WIPF1: variants seen among roughly 807,000 people sequenced by gnomAD.
WIPF1 encodes WAS/WASL-interacting protein family member 1.
Under a neutral mutation model 35.4 loss-of-function variants are expected in WIPF1, and 13 were observed. That is an observed-to-expected ratio of 0.37 (90% confidence interval 0.24 to 0.58). WIPF1 has a LOEUF of 0.58. Among genes scored for constraint, WIPF1 ranks in the 20% least tolerant of loss-of-function variants. WIPF1 has a pLI of 0.74. For missense variants in WIPF1, 591 were observed against 667.0 expected (o/e 0.89, Z 1.25); for synonymous variants, 267 against 266.3 (o/e 1.00, Z -0.02).
At chr2:174,623,585 T>C (rs1686740258) in intron 1 of WIPF1, 2 of 152,226 alleles carry the variant, frequency 1.3e-5, no homozygotes, top group East Asian at 3.8e-4. Context: ...TCTCAGTCTA[T>C]GAACTAGATG....
intron 3 of WIPF1, among the ~76,000 whole-genome samples, chr2:174,579,617 T>A (rs1435529750): frequency 6.6e-6 from 1 of 152,204 alleles, no homozygotes; most frequent in African/African-American, 2.4e-5. Context: ...TTATTAAACA[T>A]CATGGAAGAG....
chr2:174,592,841 C>T (rs951251770), intron 1 of WIPF1, among the ~76,000 whole-genome samples: 1 of 151,852 alleles, frequency 6.6e-6, no homozygotes, highest in Non-Finnish European at 1.5e-5. Flanking sequence ...CCTGACCTCA[C>T]GTGATCCACC....
At chr2:174,588,972 C>G (rs996154255) in intron 1 of WIPF1, among the ~76,000 whole-genome samples, 10 of 152,220 alleles carry the variant, frequency 6.6e-5, no homozygotes, top group African/African-American at 2.2e-4. Context: ...TCAATGGTAA[C>G]ACAGATGAGG....
At chr2:174,594,060 C>G (rs575321201) in intron 1 of WIPF1, among the ~76,000 whole-genome samples, 1 of 152,314 alleles carries the variant, frequency 6.6e-6, no homozygotes, top group Non-Finnish European at 1.5e-5. Context: ...CACACGCTTG[C>G]CATACACAGA....
intron 1 of WIPF1, among the ~76,000 whole-genome samples, chr2:174,606,476 C>T (rs1249181715): frequency 6.6e-6 from 1 of 152,208 alleles, no homozygotes; most frequent in Admixed American, 6.5e-5. Flanking sequence ...CACTACCACA[C>T]TGGGCAACAC....
intron 3 of WIPF1, among the ~76,000 whole-genome samples, chr2:174,580,270 A>G (rs1424334533): frequency 1.3e-5 from 2 of 152,174 alleles, no homozygotes; most frequent in East Asian, 1.9e-4. Context: ...TTTTGAAAGC[A>G]GTGCATTCTC....
In WIPF1 at chr2:174,664,153, A is replaced by C. The variant is rs532284105; in HGVS notation, c.-39+18621T>G. On this transcript the variant is annotated intron_variant, in intron 1 of 8. Transcript: ENST00000272746. ...CCCTCTCTCTCACACACACACACACACCCCAAGTGCTTGAATGAAGGGCTT... is the reference window on the plus strand; with the variant it reads ...CCCTCTCTCTCACACACACACACACCCCCCAAGTGCTTGAATGAAGGGCTT... 1.1e-4 allele frequency among the ~76,000 whole-genome samples: 17 copies of C among 150,674 alleles called. 1 individual carries two copies. The highest frequency in any genetic ancestry group is 3.9e-4 in the East Asian group (2 of 5,176).
chr2:174,635,526 T>G (rs1477247855), intron 1 of WIPF1, among the ~76,000 whole-genome samples: 2 of 136,248 alleles, frequency 1.5e-5, no homozygotes, highest in Admixed American at 7.5e-5. Flanking sequence ...GTGCCTTCTG[T>G]TTGTTTTTTT....
intron 1 of WIPF1, among the ~76,000 whole-genome samples, chr2:174,603,379 G>A (rs1490199331): frequency 6.6e-6 from 1 of 152,228 alleles, no homozygotes; most frequent in Non-Finnish European, 1.5e-5. Flanking sequence ...AGTGTTGAAT[G>A]TGACTAAGCC....
chr2:174,568,875 T>A (rs954751464), intron 5 of WIPF1: 6 of 152,132 alleles, frequency 3.9e-5, no homozygotes, highest in Non-Finnish European at 7.4e-5. Flanking sequence ...AACCATTTTT[T>A]AAAAAAATGT....
chr2:174,647,881 T>C (rs1228704220), intron 1 of WIPF1, among the ~76,000 whole-genome samples: 1 of 152,216 alleles, frequency 6.6e-6, no homozygotes, highest in Non-Finnish European at 1.5e-5. Context: ...TAGAAGAACC[T>C]AGATTAAAGA....
At chr2:174,607,002 G>A (rs1249194409) in intron 1 of WIPF1, among the ~76,000 whole-genome samples, 1 of 152,190 alleles carries the variant, frequency 6.6e-6, no homozygotes, top group Non-Finnish European at 1.5e-5. Context: ...AAGAGAGCAT[G>A]CACAATGAGA....
chr2:174,655,428 C>T (rs1201594118), intron 1 of WIPF1: 1 of 152,204 alleles, frequency 6.6e-6, no homozygotes, highest in Non-Finnish European at 1.5e-5. Context: ...GCTTACTTAG[C>T]TTATAACATG....
At chr2:174,581,167 G>A (rs1487060524) in intron 3 of WIPF1, 143 bp downstream of exon 3, 1 of 1,193,508 alleles carries the variant, frequency 8.4e-7, no homozygotes, top group African/African-American at 1.5e-5. Flanking sequence ...CCTACAGGGA[G>A]TGATACAGTC....
At chr2:174,651,459 C>T (rs1310700762) in intron 1 of WIPF1, among the ~76,000 whole-genome samples, 1 of 152,188 alleles carries the variant, frequency 6.6e-6, no homozygotes, top group African/African-American at 2.4e-5. Flanking sequence ...TAGTAACATA[C>T]CTTTTCAAAT....
At chr2:174,601,665 G>A (rs541172183), upstream of WIPF1, among the ~76,000 whole-genome samples, 13 of 152,356 alleles carry the variant, frequency 8.5e-5, no homozygotes, top group African/African-American at 2.4e-4. Context: ...CTGGCCTTCC[G>A]CAGTGAAGCG....
intron 1 of WIPF1, among the ~76,000 whole-genome samples, chr2:174,608,584 T>C (rs922828115): frequency 6.6e-6 from 1 of 152,100 alleles, no homozygotes; most frequent in Non-Finnish European, 1.5e-5. Flanking sequence ...GCATCCAATA[T>C]AAGTGGCCCC....
chr2:174,669,424 TAGA>T (rs982650215), intron 1 of WIPF1, among the ~76,000 whole-genome samples: 24 of 152,356 alleles, frequency 1.6e-4, no homozygotes, highest in African/African-American at 5.1e-4. Context: ...ATAACTGCAC[TAGA>T]AGGACACATG....
intron 3 of WIPF1, among the ~76,000 whole-genome samples, chr2:174,580,681 G>A (rs1004756321): frequency 2.9e-4 from 44 of 152,300 alleles, no homozygotes; most frequent in African/African-American, 1.0e-3. Context: ...TTGTCCTGTT[G>A]TAAATGTTAA....
Sources: gnomAD v4.1 joint callset for allele counts (sites outside exome capture counted in the v4.1 genomes callset) on GRCh38, gnomAD v4.1.1 for gene constraint, MANE v1.5 for transcripts, NCBI Gene and HGNC (gene_info 2026-07-23, HGNC 2026-07-21) for gene names.